The following ANKRD6 variants were observed in gnomAD, a reference collection of about 807,000 sequenced individuals.
ANKRD6 encodes ankyrin repeat domain 6.
A neutral mutation model predicts 82.3 loss-of-function variants in ANKRD6; 56 were observed. That is an observed-to-expected ratio of 0.68 (90% CI 0.55 to 0.85). ANKRD6 has a LOEUF of 0.85. ANKRD6 is among the 40% of genes least tolerant of loss of function. The pLI is 0.00. For synonymous variants in ANKRD6, 347 were observed against 352.1 expected, an observed-to-expected ratio of 0.99 and a Z score of 0.16; for missense variants, 852 against 907.6, an observed-to-expected ratio of 0.94 and a Z score of 0.79.
At chr6:89,608,395 C>T (rs140606581) in intron 5 of ANKRD6, among the ~76,000 whole-genome samples, 126 of 114,456 alleles carry the variant, frequency 1.1e-3, no homozygotes, top group African/African-American at 4.6e-3. Flanking sequence ...TGTACAATTT[C>T]ATGGCCAAGT....
Position 89,616,751 on chromosome 6 carries a change from G to A in ANKRD6, c.714+94G>A, listed in dbSNP as rs185774236. 1.8e-4 allele frequency: 221 copies of A among 1,249,730 alleles called. 1 individual carries two copies. In the African/African-American group the frequency reaches 2.1e-3, roughly 12 times the overall value. 77.4% of individuals were successfully genotyped at this position (1,249,730 alleles called of 1,614,324 possible). Reference sequence around the variant, plus strand: ...ACCCCTGCAGACCCCCAGGCCCAGCGCACTCTGGAAGACGGGGGATCTCTG... The same window carrying A: ...ACCCCTGCAGACCCCCAGGCCCAGCACACTCTGGAAGACGGGGGATCTCTG... On this transcript the variant is annotated intron_variant, in intron 8 of 15. Transcript: ENST00000339746.
At chr6:89,585,630 C>T (rs1031408905) in intron 2 of ANKRD6, among the ~76,000 whole-genome samples, 2 of 152,182 alleles carry the variant, frequency 1.3e-5, no homozygotes, top group African/African-American at 2.4e-5. Flanking sequence ...TAGGGCCGGC[C>T]AGATGTGATG....
At chr6:89,527,263 G>C (rs370208911) in intron 1 of ANKRD6, among the ~76,000 whole-genome samples, 8 of 152,156 alleles carry the variant, frequency 5.3e-5, no homozygotes, top group African/African-American at 1.9e-4. Flanking sequence ...GTATGCAAAA[G>C]GATTATGTCT....
chr6:89,507,601 G>A (rs1286592759), intron 1 of ANKRD6, among the ~76,000 whole-genome samples: 1 of 152,164 alleles, frequency 6.6e-6, no homozygotes, highest in Non-Finnish European at 1.5e-5. Context: ...TGGATGTTTG[G>A]TGGCCTCATT....
At chr6:89,491,565 A>G (rs1778009230) in intron 1 of ANKRD6, among the ~76,000 whole-genome samples, 1 of 151,238 alleles carries the variant, frequency 6.6e-6, no homozygotes, top group Non-Finnish European at 1.5e-5. Context: ...GCATGTTCTC[A>G]CTCATAGGTG....
chr6:89,550,965 A>G (rs1475838745), intron 1 of ANKRD6, among the ~76,000 whole-genome samples: 1 of 152,166 alleles, frequency 6.6e-6, no homozygotes, highest in Non-Finnish European at 1.5e-5. Context: ...AACAGCAAAA[A>G]TAAAAAGAAT....
At chr6:89,603,898 G>A (rs114440607) in intron 4 of ANKRD6, among the ~76,000 whole-genome samples, 2 of 152,216 alleles carry the variant, frequency 1.3e-5, no homozygotes, top group African/African-American at 2.4e-5. Flanking sequence ...AGCTACTCAG[G>A]AAGCTGAGAT....
At chr6:89,457,740 C>G (rs1318836928) in intron 1 of ANKRD6, among the ~76,000 whole-genome samples, 1 of 152,152 alleles carries the variant, frequency 6.6e-6, no homozygotes, top group Non-Finnish European at 1.5e-5. Context: ...AATAACTTTG[C>G]AGCTTGCTGA....
chr6:89,457,898 G>T (rs185030153), intron 1 of ANKRD6, among the ~76,000 whole-genome samples: 2 of 152,286 alleles, frequency 1.3e-5, no homozygotes, highest in East Asian at 3.9e-4. Context: ...CAATGTGATG[G>T]TACTAGGAGG....
At chr6:89,479,894 A>G (rs536726547) in intron 1 of ANKRD6, among the ~76,000 whole-genome samples, 37 of 152,290 alleles carry the variant, frequency 2.4e-4, no homozygotes, top group Non-Finnish European at 4.4e-4. Context: ...TTTATTAACA[A>G]ATTAATTTGA....
intron 2 of ANKRD6, among the ~76,000 whole-genome samples, chr6:89,567,505 T>C (rs886343892): frequency 1.3e-5 from 2 of 152,170 alleles, no homozygotes; most frequent in African/African-American, 4.8e-5. Context: ...GATGACGGCC[T>C]GGACCAGATG....
chr6:89,481,905 G>C (rs1355344412), intron 1 of ANKRD6, among the ~76,000 whole-genome samples: 1 of 152,186 alleles, frequency 6.6e-6, no homozygotes, highest in African/African-American at 2.4e-5. Context: ...ATCCAAGTCT[G>C]CTTTGTACCC....
At chr6:89,500,319 C>T (rs1464438187) in intron 1 of ANKRD6, among the ~76,000 whole-genome samples, 1 of 152,028 alleles carries the variant, frequency 6.6e-6, no homozygotes, top group African/African-American at 2.4e-5. Context: ...GCAGAGAAGC[C>T]AGAGGCTGCC....
chr6:89,440,609 C>G (rs1354452762), intron 1 of ANKRD6, among the ~76,000 whole-genome samples: 1 of 152,080 alleles, frequency 6.6e-6, no homozygotes, highest in Non-Finnish European at 1.5e-5. Flanking sequence ...GGTAGCATAT[C>G]CTGATACTTT....
intron 1 of ANKRD6, among the ~76,000 whole-genome samples, chr6:89,494,739 C>T (rs1484573330): frequency 6.6e-6 from 1 of 152,166 alleles, no homozygotes; most frequent in Non-Finnish European, 1.5e-5. Context: ...GGGCACCCTG[C>T]TTTCCAGCCC....
At chr6:89,515,637 G>A (rs1292915302) in intron 1 of ANKRD6, among the ~76,000 whole-genome samples, 3 of 152,202 alleles carry the variant, frequency 2.0e-5, no homozygotes, top group African/African-American at 7.2e-5. Flanking sequence ...AGGATCTTGA[G>A]AGAAGGTGCC....
intron 1 of ANKRD6, among the ~76,000 whole-genome samples, chr6:89,523,053 G>A (rs1339590158): frequency 6.6e-6 from 1 of 152,200 alleles, no homozygotes; most frequent in Non-Finnish European, 1.5e-5. Flanking sequence ...GGAGACAGCA[G>A]ATTCCCTCCT....
chr6:89,508,634 G>A (rs547907323), intron 1 of ANKRD6, among the ~76,000 whole-genome samples: 7 of 152,124 alleles, frequency 4.6e-5, no homozygotes, highest in South Asian at 2.1e-4. Flanking sequence ...TGAAATTGTC[G>A]GACACGGTCA....
At chr6:89,546,335 C>T (rs1785088855) in intron 1 of ANKRD6, among the ~76,000 whole-genome samples, 1 of 152,220 alleles carries the variant, frequency 6.6e-6, no homozygotes, top group Admixed American at 6.5e-5. Flanking sequence ...AATATATATA[C>T]CAGTCAGAAT....
Sources: gnomAD v4.1 joint callset for allele counts (sites outside exome capture counted in the v4.1 genomes callset) on GRCh38, gnomAD v4.1.1 for gene constraint, MANE v1.5 for transcripts, NCBI Gene and HGNC (gene_info 2026-07-23, HGNC 2026-07-21) for gene names.